Variants in LYN observed in about 807,000 individuals in gnomAD.
The protein encoded by LYN is tyrosine-protein kinase Lyn.
A neutral mutation model predicts 65.0 loss-of-function variants in LYN; 12 were observed. The observed-to-expected ratio is 0.18, with a 90% confidence interval of 0.12 to 0.30. The LOEUF is 0.30. Among genes scored for constraint, LYN ranks in the 10% least tolerant of loss-of-function variants. The probability of loss-of-function intolerance (pLI) is 1.00; values close to 1 mark genes in which losing one functional copy is unlikely to be tolerated. For missense variants in LYN, 380 were observed against 623.2 expected (o/e 0.61, Z 4.16); for synonymous variants, 222 against 221.2 (o/e 1.00, Z -0.03).
At chr8:55,954,043 G>A (rs1807031372) in intron 8 of LYN, 59 bp downstream of exon 8, 2 of 1,566,552 alleles carry the variant, frequency 1.3e-6, no homozygotes, top group Admixed American at 3.6e-5. Context: ...AGAAGTAAAG[G>A]CTCAAGCCAA....
In LYN at chr8:55,985,026, C is replaced by T. The variant is rs1468195042; in HGVS notation, c.1051-13320C>T. Among the ~76,000 whole-genome samples the T allele has an allele frequency of 3.9e-5, 6 of 152,296 alleles. No homozygotes were observed. The East Asian group carries it at 1.2e-3, about 29-fold the overall frequency. On this transcript the variant is annotated intron_variant, in intron 10 of 12. Coordinates refer to ENST00000519728, the MANE Select transcript of LYN (RefSeq NM_002350.4). ...TTAAGGACTAGGGCCCTGAATAAGC[C>T]GCAGGGGTCCTGTGGGCTTCAATAG...
At chr8:55,932,871 AC>A (rs1372074657) in intron 1 of LYN, among the ~76,000 whole-genome samples, 8 of 152,220 alleles carry the variant, frequency 5.3e-5, no homozygotes, top group African/African-American at 1.9e-4. Context: ...GGAACAGAAA[AC>A]CAAATTGCAG....
chr8:55,941,830 T>C, intron 1 of LYN, 25 bp from the exon 2 acceptor site: 1 of 1,603,028 alleles, frequency 6.2e-7, no homozygotes, highest in Non-Finnish European at 8.5e-7. Context: ...GGTAAAACAA[T>C]GTCATTACTT....
intron 1 of LYN, among the ~76,000 whole-genome samples, chr8:55,897,807 G>T (rs1805159360): frequency 1.3e-5 from 2 of 152,082 alleles, no homozygotes; most frequent in Non-Finnish European, 2.9e-5. Flanking sequence ...CAGCTACTCA[G>T]GAGGCTGAGT....
At chr8:55,921,029 A>G (rs1214040851) in intron 1 of LYN, among the ~76,000 whole-genome samples, 1 of 152,144 alleles carries the variant, frequency 6.6e-6, no homozygotes. Context: ...TTTTCAGCCC[A>G]CATTCTTTGA....
At chr8:55,998,557 C>A in intron 11 of LYN, 58 bp downstream of exon 11, 1 of 1,533,298 alleles carries the variant, frequency 6.5e-7, no homozygotes, top group Non-Finnish European at 9.0e-7. Context: ...TTGTTTTTGT[C>A]TGTTTTTGAC....
intron 10 of LYN, among the ~76,000 whole-genome samples, chr8:55,974,031 A>G (rs943262331): frequency 6.6e-6 from 1 of 152,238 alleles, no homozygotes; most frequent in Non-Finnish European, 1.5e-5. Context: ...TTCTACCTCC[A>G]TTATCTAATT....
intron 1 of LYN, among the ~76,000 whole-genome samples, chr8:55,936,409 G>A (rs56119798): frequency 0.15 from 22,081 of 152,080 alleles, 1,765 homozygotes; most frequent in Middle Eastern, 0.29. Context: ...GGAGGCTCAC[G>A]TGGGAGGATC....
At chr8:55,915,701 C>T (rs910348297) in intron 1 of LYN, among the ~76,000 whole-genome samples, 3 of 151,624 alleles carry the variant, frequency 2.0e-5, no homozygotes, top group Non-Finnish European at 2.9e-5. Context: ...AGCAAGACTC[C>T]GTCTCAAAAA....
At chr8:55,973,720 C>T (rs750118470) in intron 10 of LYN, among the ~76,000 whole-genome samples, 7 of 152,110 alleles carry the variant, frequency 4.6e-5, no homozygotes, top group Non-Finnish European at 7.4e-5. Context: ...TCTTTGGTGG[C>T]GGTATCTCTG....
intron 9 of LYN, 63 bp downstream of exon 9, chr8:55,966,960 G>A (rs969694879): frequency 1.4e-6 from 2 of 1,450,076 alleles, no homozygotes; most frequent in African/African-American, 2.8e-5. Context: ...AAATGTGTAA[G>A]TGTTCAGAGG....
At chr8:55,933,971 T>C (rs1431843956) in intron 1 of LYN, among the ~76,000 whole-genome samples, 6 of 152,198 alleles carry the variant, frequency 3.9e-5, no homozygotes, top group Admixed American at 2.0e-4. Flanking sequence ...CTCACACCTG[T>C]AATCCCAGCA....
chr8:55,915,447 G>A (rs1020817784), intron 1 of LYN, among the ~76,000 whole-genome samples: 11 of 152,242 alleles, frequency 7.2e-5, no homozygotes, highest in African/African-American at 2.7e-4. Flanking sequence ...GCTCATGCCT[G>A]TAATCCCAAC....
At chr8:55,911,057 C>T (rs34453579) in intron 1 of LYN, among the ~76,000 whole-genome samples, 31,507 of 52,396 alleles carry the variant, frequency 0.6, 10,376 homozygotes, top group East Asian at 0.95. Context: ...CCTCCATGTC[C>T]GGCTAATTTA....
chr8:55,958,276 A>T (rs1807177349), intron 8 of LYN, among the ~76,000 whole-genome samples: 1 of 152,238 alleles, frequency 6.6e-6, no homozygotes, highest in Non-Finnish European at 1.5e-5. Context: ...GCTTAATTTT[A>T]GAGAACTTTT....
intron 1 of LYN, among the ~76,000 whole-genome samples, chr8:55,901,124 C>T (rs1490089145): frequency 2.6e-5 from 4 of 151,992 alleles, no homozygotes; most frequent in Admixed American, 2.6e-4. Flanking sequence ...ACTTCGTGGC[C>T]GTGTGTCTCA....
Position 55,998,412 on chromosome 8 carries a change from G to T in LYN, c.1117G>T (p.Val373Phe). ...YIHRDLRAAN[V>F]LVSESLMCKI... ...TCACCGGGACCTGCGAGCAGCTAAT[G>T]TTCTGGTCTCCGAGTCACTCATGTG... is the stretch of plus-strand genomic sequence containing the variant. Residue 373 changes from valine to phenylalanine, a missense_variant, in exon 11 of 13, where the codon GTT becomes TTT. Transcript: ENST00000519728. The T allele has an allele frequency of 6.2e-7, 1 of 1,614,112 alleles. No homozygotes were observed. The highest frequency in any genetic ancestry group is 8.5e-7 in the Non-Finnish European group (1 of 1,179,970).
chr8:55,891,888 A>ACT (rs917185193), intron 1 of LYN, among the ~76,000 whole-genome samples: 1 of 152,076 alleles, frequency 6.6e-6, no homozygotes, highest in African/African-American at 2.4e-5. Context: ...CAGGATCTTT[A>ACT]CTCTTCGTCA....
chr8:55,990,157 T>C (rs1440689620), intron 10 of LYN, among the ~76,000 whole-genome samples: 3 of 145,950 alleles, frequency 2.1e-5, no homozygotes, highest in Non-Finnish European at 3.0e-5. Flanking sequence ...GAGAATCGCT[T>C]GAACCCAGGA....
Sources: gnomAD v4.1 joint callset for allele counts (sites outside exome capture counted in the v4.1 genomes callset) on GRCh38, gnomAD v4.1.1 for gene constraint, MANE v1.5 for transcripts, NCBI Gene and HGNC (gene_info 2026-07-23, HGNC 2026-07-21) for gene names.